The following KLHL29 variants were observed in gnomAD, a reference collection of about 807,000 sequenced individuals.
KLHL29 encodes the protein kelch-like protein 29.
In KLHL29, 21 loss-of-function variants were observed where a neutral mutation model predicts 80.4. That is an observed-to-expected ratio of 0.26 (90% CI 0.19 to 0.38). The LOEUF is 0.38. KLHL29 is among the 10% of genes least tolerant of loss of function. The pLI, the probability that KLHL29 is intolerant of heterozygous loss-of-function variation, is 1.00. For missense variants in KLHL29, 867 were observed against 1,223.9 expected, an observed-to-expected ratio of 0.71 and a Z score of 4.35; for synonymous variants, 511 against 526.8, an observed-to-expected ratio of 0.97 and a Z score of 0.41.
intron 5 of KLHL29, among the ~76,000 whole-genome samples, chr2:23,676,698 C>G (rs1394984431): frequency 6.6e-6 from 1 of 152,126 alleles, no homozygotes; most frequent in Non-Finnish European, 1.5e-5. Flanking sequence ...TAGGAGAAAC[C>G]CTGGCCAAAG....
intron 6 of KLHL29, among the ~76,000 whole-genome samples, chr2:23,687,802 C>T (rs555090026): frequency 6.6e-6 from 1 of 152,238 alleles, no homozygotes; most frequent in Admixed American, 6.5e-5. Flanking sequence ...GCTGCAGGGC[C>T]GGGTATGAGG....
chr2:23,399,573 T>C (rs995502754), intron 1 of KLHL29, among the ~76,000 whole-genome samples: 3 of 152,248 alleles, frequency 2.0e-5, no homozygotes, highest in African/African-American at 4.8e-5. Flanking sequence ...TTATTTATTA[T>C]TATTTTATTT....
rs141830187 is a variant in KLHL29, at chr2:23,673,590, CAG to C, written c.941-10808_941-10807del. On this transcript the variant is annotated intron_variant, in intron 5 of 13. Transcript: ENST00000486442. Reference sequence around the variant, plus strand: ...TCACACACATACATGGGCACATACACAGGGGTGCATACACACCCATACCACCT... The same window carrying C: ...TCACACACATACATGGGCACATACACGGGTGCATACACACCCATACCACCT... Among the ~76,000 whole-genome samples, 19 of 152,012 alleles carry C rather than the reference CAG, an allele frequency of 1.2e-4. No homozygotes were observed. In the South Asian group the frequency reaches 2.1e-3, roughly 17 times the overall value.
At chr2:23,460,471 C>T (rs568221996) in intron 1 of KLHL29, among the ~76,000 whole-genome samples, 1 of 152,204 alleles carries the variant, frequency 6.6e-6, no homozygotes, top group Admixed American at 6.5e-5. Flanking sequence ...AGAAATGCTG[C>T]TAAGCATCTT....
rs533551827 is a variant in KLHL29, at chr2:23,497,915, T to G, written c.-46+22248T>G. On this transcript the variant is annotated intron_variant, in intron 2 of 13. Transcript: ENST00000486442. Reference sequence around the variant, plus strand: ...GAAAGTATTCAAGGAGACAGAGATCTGTCTGGAACTACGGGAAGGGCTGAC... The same window carrying G: ...GAAAGTATTCAAGGAGACAGAGATCGGTCTGGAACTACGGGAAGGGCTGAC... 1.1e-4 allele frequency among the ~76,000 whole-genome samples: 16 copies of G among 152,336 alleles called. No homozygotes were observed. The East Asian group carries it at 3.1e-3, about 29-fold the overall frequency.
In KLHL29 at chr2:23,385,420, G is replaced by T; in HGVS notation, c.-514G>T. The T allele has an allele frequency of 6.5e-6, 1 of 154,906 alleles. No individual in the cohort carries two copies. The highest frequency in any genetic ancestry group is 1.8e-4 in the South Asian group (1 of 5,560). 9.6% of individuals were successfully genotyped at this position (154,906 alleles called of 1,614,324 possible). Reference sequence around the variant, plus strand: ...CCAGCCCCGCGGCCGCCGCGGCTGCGGGGAGAGGGCGGGGGCGATGCTGCC... The same window carrying T: ...CCAGCCCCGCGGCCGCCGCGGCTGCTGGGAGAGGGCGGGGGCGATGCTGCC... On this transcript the variant is annotated 5_prime_UTR_variant, in exon 1 of 14. Transcript: ENST00000486442.
intron 1 of KLHL29, among the ~76,000 whole-genome samples, chr2:23,453,289 C>G (rs191386573): frequency 2.6e-5 from 4 of 152,308 alleles, no homozygotes; most frequent in Admixed American, 2.6e-4. Flanking sequence ...GTCACAGGAG[C>G]TGTGTCTTCT....
rs569185212 is a variant in KLHL29, at chr2:23,603,450, C to T, written c.286-35689C>T. Among the ~76,000 whole-genome samples, 33 of 152,288 alleles carry T rather than the reference C, an allele frequency of 2.2e-4. 1 individual carries two copies. The highest frequency in any genetic ancestry group is 7.5e-4 in the African/African-American group (31 of 41,568). On this transcript the variant is annotated intron_variant, in intron 3 of 13. Coordinates refer to ENST00000486442, the MANE Select transcript of KLHL29 (RefSeq NM_052920.2). ...CTCTGCTGGGCCCTGAGCTCTGTGT[C>T]TCGGGACAAAAATCCCAGATTCCAG...
At chr2:23,704,400 C>CTG (rs915866228) in intron 13 of KLHL29, among the ~76,000 whole-genome samples, 2 of 152,244 alleles carry the variant, frequency 1.3e-5, no homozygotes, top group African/African-American at 2.4e-5. Flanking sequence ...CTTTCTGGCC[C>CTG]TGTGGCAGCG....
chr2:23,442,665 T>G (rs1663563345), intron 1 of KLHL29, among the ~76,000 whole-genome samples: 1 of 152,154 alleles, frequency 6.6e-6, no homozygotes. Flanking sequence ...CATGAGGTAA[T>G]AAATCTGTGT....
chr2:23,390,503 G>C lies in KLHL29; in HGVS notation c.-154+4723G>C, dbSNP rs1666290698. Among the ~76,000 whole-genome samples the C allele has an allele frequency of 3.3e-5, 5 of 151,558 alleles. No homozygotes were observed. The South Asian group carries it at 8.4e-4, about 25-fold the overall frequency. On this transcript the variant is annotated intron_variant, in intron 1 of 13. Coordinates refer to ENST00000486442, the MANE Select transcript of KLHL29 (RefSeq NM_052920.2). ...TTTTAAAATCACTGATCATTTTAAG[G>C]ATATATGTATGTGTATATATATATT...
At chr2:23,539,224 G>A (rs1346407580) in intron 2 of KLHL29, among the ~76,000 whole-genome samples, 3 of 151,966 alleles carry the variant, frequency 2.0e-5, no homozygotes, top group South Asian at 2.1e-4. Flanking sequence ...TCTCTGTTAC[G>A]TTCAATTCTG....
chr2:23,590,800 G>A (rs1047273051), intron 3 of KLHL29, among the ~76,000 whole-genome samples: 3 of 152,172 alleles, frequency 2.0e-5, no homozygotes, highest in Admixed American at 1.3e-4. Flanking sequence ...TCAAGTGGTC[G>A]TTTATTCAGC....
chr2:23,415,705 AT>A (rs1251317749), intron 1 of KLHL29, among the ~76,000 whole-genome samples: 84 of 145,598 alleles, frequency 5.8e-4, no homozygotes, highest in Middle Eastern at 3.5e-3. Flanking sequence ...TAGTCTTTTT[AT>A]TTTTTTTTTT....
intron 1 of KLHL29, among the ~76,000 whole-genome samples, chr2:23,470,499 G>T (rs1664468449): frequency 6.6e-6 from 1 of 152,078 alleles, no homozygotes; most frequent in African/African-American, 2.4e-5. Context: ...TGTAAAATGA[G>T]GATTACAAAA....
At chr2:23,548,186 G>A (rs974054501) in intron 2 of KLHL29, among the ~76,000 whole-genome samples, 51 of 152,156 alleles carry the variant, frequency 3.4e-4, no homozygotes, top group Non-Finnish European at 6.3e-4. Flanking sequence ...AAGGAATTTT[G>A]CTAAGATGAA....
chr2:23,531,103 G>A (rs1666476731), intron 2 of KLHL29, among the ~76,000 whole-genome samples: 3 of 152,258 alleles, frequency 2.0e-5, no homozygotes, highest in Admixed American at 2.0e-4. Flanking sequence ...GAGGGGGTAA[G>A]CTGGGACTGT....
At chr2:23,628,411 G>T (rs2149147881) in intron 3 of KLHL29, among the ~76,000 whole-genome samples, 1 of 152,240 alleles carries the variant, frequency 6.6e-6, no homozygotes. Context: ...GCAGCCCCTG[G>T]CCAAGCCGTT....
chr2:23,482,298 A>G (rs553241703), intron 2 of KLHL29, among the ~76,000 whole-genome samples: 1 of 152,266 alleles, frequency 6.6e-6, no homozygotes, highest in Admixed American at 6.5e-5. Flanking sequence ...CTCAGAGTTT[A>G]TTTTTACGGC....
Sources: gnomAD v4.1 joint callset for allele counts (sites outside exome capture counted in the v4.1 genomes callset) on GRCh38, gnomAD v4.1.1 for gene constraint, MANE v1.5 for transcripts, NCBI Gene and HGNC (gene_info 2026-07-23, HGNC 2026-07-21) for gene names.